TNFAIP3: variants seen among roughly 807,000 people sequenced by gnomAD.
TNFAIP3 encodes tumor necrosis factor alpha-induced protein 3.
In TNFAIP3, 9 loss-of-function variants were observed where a neutral mutation model predicts 72.4. The ratio of observed to expected loss-of-function variants is 0.12; its 90% CI spans 0.07 to 0.22. The LOEUF is 0.22. Ranked by LOEUF, TNFAIP3 falls within the 10% of genes least tolerant of loss-of-function variation. TNFAIP3 has a pLI of 1.00. For missense variants in TNFAIP3, 833 were observed against 1,018.7 expected (o/e 0.82, Z 2.48); for synonymous variants, 339 against 372.6 (o/e 0.91, Z 1.04).
intron 8 of TNFAIP3, 132 bp downstream of exon 8, chr6:137,880,384 C>T: frequency 1.0e-6 from 1 of 999,010 alleles, no homozygotes; most frequent in East Asian, 2.6e-5. Context: ...AGGATTAATT[C>T]AGAACCTGAA....
At position 137,878,920 on chromosome 6, in the gene TNFAIP3, A is replaced by G. The variant is rs759868713; in HGVS notation, c.1475A>G (p.Asn492Ser). The G allele has an allele frequency of 1.2e-6, 2 of 1,614,142 alleles. No individual in the cohort carries two copies. The highest frequency in any genetic ancestry group is 2.2e-5 in the South Asian group (2 of 91,080). ...GCPFTLNVQHNGFCERCHNAR... is the reference protein window; with the variant it reads ...GCPFTLNVQHSGFCERCHNAR... ...CCCTTCACACTGAATGTGCAGCACA[A>G]CGGATTTTGTGAACGTTGCCACAAC... Residue 492 changes from asparagine (N) to serine (S), a missense_variant, in exon 7 of 9, where the codon AAC (asparagine) becomes AGC (serine). By Grantham distance (46) the Asn-to-Ser change is conservative. Around this residue, in one of 2 missense-constraint regions of TNFAIP3, gnomAD observed 587 missense variants for 657.8 expected, o/e 0.89. Transcript: ENST00000612899.
In TNFAIP3 at chr6:137,878,740, G is replaced by C. The variant is rs2114499109; in HGVS notation, c.1295G>C (p.Gly432Ala). The C allele has an allele frequency of 4.3e-6, 7 of 1,614,074 alleles. No homozygotes were observed. The highest frequency in any genetic ancestry group is 5.1e-6 in the Non-Finnish European group (6 of 1,180,026). The change falls in exon 7 of 9, where the codon GGC (glycine) becomes GCC (alanine). Residue 432 changes from glycine (G) to alanine (A), a missense_variant. Gly to Ala is a moderately conservative substitution (Grantham distance 60, BLOSUM62 0). This residue lies in a region of TNFAIP3 where 587 missense variants were observed against 657.8 expected (regional missense o/e 0.89). Coordinates refer to ENST00000612899, the MANE Select transcript of TNFAIP3 (RefSeq NM_001270508.2). ...AAGCCGGGCCCTGAGGGGCTCCCTG[G>C]CATGGCGCTCGGGGCCTCTCGGGGA... is the stretch of plus-strand genomic sequence containing the variant. ...NSKPGPEGLP[G>A]MALGASRGEA...
In TNFAIP3 at chr6:137,871,159, T is replaced by A. The variant is rs2114455840; in HGVS notation, c.-15-54T>A. 1 of 1,502,914 alleles carries A rather than the reference T, an allele frequency of 6.7e-7. No individual in the cohort carries two copies. The highest frequency in any genetic ancestry group is 8.9e-7 in the Non-Finnish European group (1 of 1,121,638). The allele number at this position is 1,502,914 out of a possible 1,614,324, so 93.1% of individuals were successfully genotyped here. A position where few individuals can be genotyped will look rare whatever the true frequency, so the allele number is the denominator to read the frequency against. ...TTTCCTGCAGGCAGCTATAGAGGAG[T>A]CGTATTAAAGTCAGGCTAATAGAAT... On this transcript the variant is annotated intron_variant, in intron 1 of 8. Transcript: ENST00000612899. This position sits in a 1 kb window ranked among gnomAD's most constrained non-coding sequence, Gnocchi z 4.2.
rs1397420807 is a variant in TNFAIP3, at chr6:137,881,185, G to A, written c.2239G>A (p.Ala747Thr). ...QHPNQRMGPG[A>T]HRGEPAPEDP... ...TCCCAACCAGAGGATGGGCCCTGGG[G>A]CCCACCGGGGTGAGCCTGCCCCCGA... The change falls in exon 9 of 9, where the codon GCC becomes ACC. Residue 747 changes from alanine (A) to threonine (T), a missense_variant. By Grantham distance (58) the Ala-to-Thr change is moderately conservative. This residue lies in a region of TNFAIP3 where 587 missense variants were observed against 657.8 expected (regional missense o/e 0.89). Coordinates refer to ENST00000612899, the MANE Select transcript of TNFAIP3 (RefSeq NM_001270508.2). The surrounding 1 kb of genome is among the most constrained non-coding windows in gnomAD (Gnocchi z 5.0). 1.2e-6 allele frequency: 2 copies of A among 1,613,744 alleles called. No homozygotes were observed. Among genetic ancestry groups the A allele is most frequent in the Non-Finnish European group, 1.7e-6 (2 of 1,179,940 alleles).
rs781186525 is a variant in TNFAIP3, at chr6:137,878,718, C to T, written c.1273C>T (p.Pro425Ser). 21 of 1,614,158 alleles carry T rather than the reference C, an allele frequency of 1.3e-5. No homozygotes were observed. Among genetic ancestry groups the T allele is most frequent in the Non-Finnish European group, 1.8e-5 (21 of 1,180,032 alleles). ...QNKLPKLNSKPGPEGLPGMAL... is the reference protein window; with the variant it reads ...QNKLPKLNSKSGPEGLPGMAL... ...CAAACTCCCAAAGCTGAACTCCAAG[C>T]CGGGCCCTGAGGGGCTCCCTGGCAT... The change falls in exon 7 of 9, where the codon CCG becomes TCG. Residue 425 changes from proline to serine, a missense_variant. By Grantham distance (74) the Pro-to-Ser change is moderately conservative. Transcript: ENST00000612899.
rs773353285 is a variant in TNFAIP3 at position 137,882,959 on chromosome 6, C to T, written c.*1640C>T. 2 of 224,730 alleles carry T rather than the reference C, an allele frequency of 8.9e-6. No homozygotes were observed. Among genetic ancestry groups the T allele is most frequent in the Non-Finnish European group, 8.9e-6 (1 of 112,956 alleles). The allele number at this position is 224,730 out of a possible 1,614,324, so 13.9% of individuals were successfully genotyped here. On this transcript the variant is annotated 3_prime_UTR_variant, in exon 9 of 9. Transcript: ENST00000612899. ...TTATGGCCTGAAAATATTTGTGATC[C>T]ATAACTCTACACAGCCTTTACTCAT... is the stretch of plus-strand genomic sequence containing the variant.
intron 2 of TNFAIP3, 91 bp from the exon 3 acceptor site, chr6:137,874,754 G>T: frequency 7.9e-7 from 1 of 1,266,712 alleles, no homozygotes; most frequent in Non-Finnish European, 1.1e-6. Context: ...CCCTAGAATA[G>T]CAGTAGGGCT....
chr6:137,871,532 G>A lies in TNFAIP3; in HGVS notation c.295+10G>A, dbSNP rs754420147. ...GCGCTGAAAACGAACGGTAAGACTT[G>A]TTCTGTTGTGTTTCTTTTGCCTGGG... On this transcript the variant is annotated intron_variant, in intron 2 of 8. Transcript: ENST00000612899. This position sits in a 1 kb window ranked among gnomAD's most constrained non-coding sequence, Gnocchi z 4.2. The A allele has an allele frequency of 6.2e-7, 1 of 1,610,748 alleles. No homozygotes were observed. The highest frequency in any genetic ancestry group is 8.5e-7 in the Non-Finnish European group (1 of 1,177,834).
chr6:137,880,429 C>T (rs34528144), intron 8 of TNFAIP3, among the ~76,000 whole-genome samples, 177 bp downstream of exon 8: 1 of 152,122 alleles, frequency 6.6e-6, no homozygotes, highest in Non-Finnish European at 1.5e-5. Context: ...TCCCCAGGTC[C>T]GAAATGCTAC....
chr6:137,870,474 A>C (rs1027651571), intron 1 of TNFAIP3, among the ~76,000 whole-genome samples: 1 of 152,158 alleles, frequency 6.6e-6, no homozygotes, highest in African/African-American at 2.4e-5. Flanking sequence ...GGAGGTTCTG[A>C]AGGAATGCTG....
In TNFAIP3 at chr6:137,875,715, A is replaced by C; in HGVS notation, c.514A>C (p.Ile172Leu). Residue 172 changes from isoleucine (I) to leucine (L), a missense_variant, in exon 4 of 9, where the codon ATC becomes CTC. This residue lies in a region of TNFAIP3 where 246 missense variants were observed against 360.9 expected (regional missense o/e 0.68). Transcript: ENST00000612899. ...RNWNDEWDNL[I>L]KMASTDTPMA... is the part of the protein sequence containing the mutation. ...CTGGAATGATGAATGGGACAATCTT[A>C]TCAAAATGGCTTCCACAGACACACC... The C allele has an allele frequency of 6.2e-7, 1 of 1,614,152 alleles. No individual in the cohort carries two copies. Among genetic ancestry groups the C allele is most frequent in the Non-Finnish European group, 8.5e-7 (1 of 1,180,022 alleles).
intron 6 of TNFAIP3, among the ~76,000 whole-genome samples, chr6:137,878,005 C>A (rs1307910546): frequency 6.6e-6 from 1 of 152,198 alleles, no homozygotes; most frequent in Non-Finnish European, 1.5e-5. Context: ...AAATACCCAA[C>A]CTGAGGTTCC....
intron 7 of TNFAIP3, 81 bp downstream of exon 7, chr6:137,879,432 C>T (rs1470628833): frequency 4.1e-6 from 6 of 1,469,450 alleles, no homozygotes; most frequent in Non-Finnish European, 5.5e-6. Context: ...AAAAAAAGCC[C>T]ATGTAGGCAG....
Position 137,871,064 on chromosome 6 carries a change from T to TA in TNFAIP3, c.-15-148dup. On this transcript the variant is annotated intron_variant, in intron 1 of 8. Transcript: ENST00000612899. This position sits in a 1 kb window ranked among gnomAD's most constrained non-coding sequence, Gnocchi z 4.2. ...TGAGTTAATCTCTGGGGCCAGCTAGTATCCCGGGAGTAGAGGTGCTAAGAT... is the reference window on the plus strand; with the variant it reads ...TGAGTTAATCTCTGGGGCCAGCTAGTAATCCCGGGAGTAGAGGTGCTAAGAT... 1.5e-6 allele frequency: 1 copy of TA among 656,098 alleles called. No individual in the cohort carries two copies. Among genetic ancestry groups the TA allele is most frequent in the Non-Finnish European group, 2.5e-6 (1 of 393,926 alleles). 40.6% of individuals were successfully genotyped at this position (656,098 alleles called of 1,614,324 possible).
At position 137,871,154 on chromosome 6, in the gene TNFAIP3, AG is replaced by A. The variant is rs1326011525; in HGVS notation, c.-15-57del. 1.3e-6 allele frequency: 2 copies of A among 1,486,862 alleles called. No individual in the cohort carries two copies. The highest frequency in any genetic ancestry group is 1.8e-6 in the Non-Finnish European group (2 of 1,107,780). 92.1% of individuals were successfully genotyped at this position (1,486,862 alleles called of 1,614,324 possible). A position where few individuals can be genotyped will look rare whatever the true frequency, so the allele number is the denominator to read the frequency against. On this transcript the variant is annotated intron_variant, in intron 1 of 8. Coordinates refer to ENST00000612899, the MANE Select transcript of TNFAIP3 (RefSeq NM_001270508.2). This position sits in a 1 kb window ranked among gnomAD's most constrained non-coding sequence, Gnocchi z 4.2. ...TGGGGTTTCCTGCAGGCAGCTATAG[AG>A]GAGTCGTATTAAAGTCAGGCTAATA...
chr6:137,879,499 T>G, intron 7 of TNFAIP3, 148 bp downstream of exon 7: 2 of 979,186 alleles, frequency 2.0e-6, no homozygotes, highest in Non-Finnish European at 3.0e-6. Flanking sequence ...CAGGGGACAG[T>G]CACGGTGGCC....
In TNFAIP3 at chr6:137,879,285, T is replaced by C; in HGVS notation, c.1840T>C (p.Tyr614His). 1.9e-6 allele frequency: 3 copies of C among 1,614,176 alleles called. No individual in the cohort carries two copies. The highest frequency in any genetic ancestry group is 2.5e-6 in the Non-Finnish European group (3 of 1,180,030). Residue 614 changes from tyrosine to histidine, a missense_variant, in exon 7 of 9, where the codon TAT (tyrosine) becomes CAT (histidine). Coordinates refer to ENST00000612899, the MANE Select transcript of TNFAIP3 (RefSeq NM_001270508.2). ...CAAGTGCAGAAAAGCCGGCTGCGTGTATTTTGGGACTCCAGAAAACAAGGG... is the reference window on the plus strand; with the variant it reads ...CAAGTGCAGAAAAGCCGGCTGCGTGCATTTTGGGACTCCAGAAAACAAGGG... ...TSKCRKAGCV[Y>H]FGTPENKGFC...
chr6:137,880,892 A>G, intron 8 of TNFAIP3, 143 bp from the exon 9 acceptor site: 2 of 828,284 alleles, frequency 2.4e-6, no homozygotes, highest in Non-Finnish European at 1.9e-6. Context: ...CATAGACTGC[A>G]ATGCTCTCCT....
At position 137,871,314 on chromosome 6, in the gene TNFAIP3, T is replaced by A. The variant is rs1187264052; in HGVS notation, c.87T>A (p.Ile29=). ...VKIRERTPED[I]FKPTNGIIHH... ...TACGGGAGAGAACTCCAGAAGACAT[T>A]TTTAAACCTACTAATGGGATCATTC... Residue 29 remains isoleucine (I), a synonymous_variant, in exon 2 of 9, where the codon ATT becomes ATA. Coordinates refer to ENST00000612899, the MANE Select transcript of TNFAIP3 (RefSeq NM_001270508.2). This position sits in a 1 kb window ranked among gnomAD's most constrained non-coding sequence, Gnocchi z 4.2. 18 of 1,614,062 alleles carry A rather than the reference T, an allele frequency of 1.1e-5. No individual in the cohort carries two copies. Among genetic ancestry groups the A allele is most frequent in the Non-Finnish European group, 1.5e-5 (18 of 1,180,036 alleles).
Sources: allele counts gnomAD v4.1 joint callset (sites outside exome capture counted in the v4.1 genomes callset), GRCh38; gene constraint gnomAD v4.1.1; regional missense constraint gnomAD v4.1.1; non-coding constraint Gnocchi (gnomAD v3.1); transcripts MANE v1.5; gene names NCBI Gene and HGNC (gene_info 2026-07-23, HGNC 2026-07-21).